RGS9: variants seen among roughly 807,000 people sequenced by gnomAD.
The protein encoded by RGS9 is regulator of G protein signaling 9, also known as regulator of G-protein signalling 9.
RGS9 carries 78 observed loss-of-function variants against 102.0 expected under a neutral mutation model. The observed-to-expected ratio is 0.76, with a 90% CI of 0.64 to 0.92. The LOEUF (loss-of-function observed/expected upper bound fraction) is 0.92, where lower values mean the gene tolerates loss of function less well. Among genes scored for constraint, RGS9 ranks in the 40% least tolerant of loss-of-function variants. The probability of loss-of-function intolerance (pLI) is 0.00; values close to 1 mark genes in which losing one functional copy is unlikely to be tolerated. For missense variants in RGS9, 833 were observed against 866.1 expected, an observed-to-expected ratio of 0.96 and a Z score of 0.48; for synonymous variants, 353 against 318.6, an observed-to-expected ratio of 1.11 and a Z score of -1.15.
chr17:65,150,479 G>A (rs1910535655), intron 1 of RGS9, among the ~76,000 whole-genome samples: 1 of 152,084 alleles, frequency 6.6e-6, no homozygotes, highest in African/African-American at 2.4e-5. Flanking sequence ...AAAATTAGCT[G>A]GGCGTGGTGG....
chr17:65,184,007 A>G (rs545003097), intron 9 of RGS9, among the ~76,000 whole-genome samples: 1 of 152,344 alleles, frequency 6.6e-6, no homozygotes, highest in East Asian at 1.9e-4. Context: ...AGATTCCTTA[A>G]GCAGAGTCTT....
At chr17:65,145,844 C>T (rs912461296) in intron 1 of RGS9, among the ~76,000 whole-genome samples, 10 of 151,716 alleles carry the variant, frequency 6.6e-5, no homozygotes, top group Non-Finnish European at 1.0e-4. Context: ...GAGGAGACGC[C>T]TCAGAGGAAT....
intron 6 of RGS9, among the ~76,000 whole-genome samples, chr17:65,162,116 G>A (rs968783238): frequency 5.3e-5 from 8 of 152,154 alleles, no homozygotes; most frequent in African/African-American, 1.9e-4. Flanking sequence ...TCCAGGTTGG[G>A]TGTGGTGGCT....
In RGS9 at chr17:65,144,958, G is replaced by A. The variant is rs571647698; in HGVS notation, c.57+7361G>A. ...CTCCTGAAGCTTCTCTCCTTGGCTC[G>A]CAGATGGCCGTCTTCTCTCTGTTCT... On this transcript the variant is annotated intron_variant, in intron 1 of 18. Transcript: ENST00000262406. Among the ~76,000 whole-genome samples the A allele has an allele frequency of 4.6e-5, 7 of 152,242 alleles. No individual in the cohort carries two copies. The East Asian group carries it at 5.8e-4, about 13-fold the overall frequency.
intron 10 of RGS9, among the ~76,000 whole-genome samples, chr17:65,189,606 A>G (rs1333537202): frequency 6.6e-6 from 1 of 152,132 alleles, no homozygotes; most frequent in Non-Finnish European, 1.5e-5. Context: ...GAGACTCTAC[A>G]TCCCCAACGT....
chr17:65,138,671 A>G (rs1051484139), intron 1 of RGS9, among the ~76,000 whole-genome samples: 3 of 152,140 alleles, frequency 2.0e-5, no homozygotes, highest in Middle Eastern at 3.2e-3. Context: ...TATTGCAGAT[A>G]CCAGTTACTA....
chr17:65,223,438 C>T (rs549124413), intron 17 of RGS9, among the ~76,000 whole-genome samples: 6 of 152,362 alleles, frequency 3.9e-5, no homozygotes, highest in African/African-American at 1.4e-4. Flanking sequence ...CTGGCCCTGC[C>T]CTCAGTGGCC....
intron 9 of RGS9, 118 bp from the exon 10 acceptor site, chr17:65,189,168 A>G: frequency 1.2e-6 from 1 of 814,314 alleles, no homozygotes. Flanking sequence ...CCTATCTTTT[A>G]AGAAAGAAAA....
chr17:65,139,100 T>TCCCCTCCTCCACCCCAG (rs1360728138), intron 1 of RGS9, among the ~76,000 whole-genome samples: 1 of 6,942 alleles, frequency 1.4e-4, no homozygotes, highest in Admixed American at 1.3e-3. Flanking sequence ...CCACCCCAGC[T>TCCCCTCCTCCACCCCAG]CTCCCCCCTC....
chr17:65,179,402 C>T (rs976926620), intron 9 of RGS9, among the ~76,000 whole-genome samples: 1 of 152,186 alleles, frequency 6.6e-6, no homozygotes, highest in Non-Finnish European at 1.5e-5. Flanking sequence ...TGCCAGAGAA[C>T]AGATCACTGC....
chr17:65,160,348 T>C lies in RGS9; in HGVS notation c.312+9T>C. 6.2e-7 allele frequency: 1 copy of C among 1,607,590 alleles called. No homozygotes were observed. The highest frequency in any genetic ancestry group is 8.5e-7 in the Non-Finnish European group (1 of 1,174,006). Reference sequence around the variant, plus strand: ...GCCTCTACAGATTTCAGGTGAGTCTTGGCCTTGACCCTGGCTGTTCATATG... The same window carrying C: ...GCCTCTACAGATTTCAGGTGAGTCTCGGCCTTGACCCTGGCTGTTCATATG... On this transcript the variant is annotated intron_variant, in intron 4 of 18. Coordinates refer to ENST00000262406, the MANE Select transcript of RGS9 (RefSeq NM_003835.4).
intron 1 of RGS9, among the ~76,000 whole-genome samples, chr17:65,142,917 C>CT (rs1209270649): frequency 1.3e-5 from 2 of 150,816 alleles, no homozygotes; most frequent in African/African-American, 4.9e-5. Flanking sequence ...CTTTTTTTTT[C>CT]TTTTTTAACA....
chr17:65,161,033 C>A, intron 6 of RGS9, 124 bp downstream of exon 6: 1 of 796,128 alleles, frequency 1.3e-6, no homozygotes, highest in Non-Finnish European at 2.2e-6. Flanking sequence ...TCCATCCAGC[C>A]AGCCAGCTAG....
intron 1 of RGS9, among the ~76,000 whole-genome samples, chr17:65,139,490 A>G (rs1236236997): frequency 1.3e-5 from 2 of 151,988 alleles, no homozygotes; most frequent in Non-Finnish European, 2.9e-5. Context: ...CCCTCTGGGA[A>G]ACAACAAAGC....
intron 6 of RGS9, among the ~76,000 whole-genome samples, chr17:65,161,708 A>ATT (rs1910991020): frequency 2.2e-5 from 3 of 137,234 alleles, no homozygotes; most frequent in Admixed American, 2.1e-4. Flanking sequence ...TTTTATTTAT[A>ATT]TATTTATTTA....
chr17:65,141,236 C>A (rs1367597845), intron 1 of RGS9, among the ~76,000 whole-genome samples: 5 of 152,204 alleles, frequency 3.3e-5, no homozygotes, highest in African/African-American at 1.2e-4. Flanking sequence ...TGATGGCACA[C>A]AGTGGACAGA....
At chr17:65,145,391 T>A (rs1174093117) in intron 1 of RGS9, among the ~76,000 whole-genome samples, 1 of 151,052 alleles carries the variant, frequency 6.6e-6, no homozygotes, top group Non-Finnish European at 1.5e-5. Context: ...GTGCCCAGCC[T>A]TATTTTTACT....
intron 8 of RGS9, among the ~76,000 whole-genome samples, chr17:65,171,029 C>T (rs1246156403): frequency 2.6e-5 from 4 of 152,126 alleles, no homozygotes; most frequent in East Asian, 1.9e-4. Context: ...CCAAACAAAC[C>T]GTCAGTTCAA....
At chr17:65,183,191 C>T (rs373638177) in intron 9 of RGS9, among the ~76,000 whole-genome samples, 9 of 152,096 alleles carry the variant, frequency 5.9e-5, no homozygotes, top group Non-Finnish European at 1.0e-4. Context: ...GGCACAATCT[C>T]GGACCACTGC....
Sources: allele counts gnomAD v4.1 joint callset (sites outside exome capture counted in the v4.1 genomes callset), GRCh38; gene constraint gnomAD v4.1.1; transcripts MANE v1.5; gene names NCBI Gene and HGNC (gene_info 2026-07-23, HGNC 2026-07-21).